The following CAPN1 variants were observed in gnomAD, a reference collection of about 807,000 sequenced individuals.
CAPN1 encodes calpain 1.
A neutral mutation model predicts 105.2 loss-of-function variants in CAPN1; 77 were observed. The observed-to-expected ratio is 0.73, with a 90% CI of 0.61 to 0.88. CAPN1 has a LOEUF of 0.88. CAPN1 is among the 40% of genes least tolerant of loss of function. CAPN1 has a pLI of 0.00. For missense variants in CAPN1, 833 were observed against 976.6 expected (o/e 0.85, Z 1.96); for synonymous variants, 355 against 388.8 (o/e 0.91, Z 1.02).
At chr11:65,211,204 G>A (rs1590869153) in intron 21 of CAPN1, 56 bp from the exon 22 acceptor site, 1 of 1,601,760 alleles carries the variant, frequency 6.2e-7, no homozygotes, top group Non-Finnish European at 8.5e-7. Context: ...TTTGGGTGGG[G>A]AAGAAGCCAG....
chr11:65,186,173 A>G lies in CAPN1; in HGVS notation c.594A>G (p.Val198=), dbSNP rs1385151071. 1 of 1,612,930 alleles carries G rather than the reference A, an allele frequency of 6.2e-7. No homozygotes were observed. The highest frequency in any genetic ancestry group is 1.1e-5 in the South Asian group (1 of 90,972). Residue 198 remains valine, a synonymous_variant, in exon 6 of 22, where the codon GTA becomes GTG. Transcript: ENST00000279247. The part of the protein sequence containing the change: ...SALLEKAYAK[V]NGSYEALSGG... ...GCTGACCTGGAGCTGCCCACAGGGTAAATGGCAGCTACGAGGCCCTGTCAG... is the reference window on the plus strand; with the variant it reads ...GCTGACCTGGAGCTGCCCACAGGGTGAATGGCAGCTACGAGGCCCTGTCAG...
intron 10 of CAPN1, among the ~76,000 whole-genome samples, chr11:65,196,017 A>G (rs1948788563): frequency 1.3e-5 from 2 of 151,802 alleles, no homozygotes; most frequent in African/African-American, 4.8e-5. Context: ...TTATCATATA[A>G]TTGTCTATAG....
In CAPN1 at chr11:65,188,164, C is replaced by T. The variant is rs1202316949; in HGVS notation, c.929+124C>T. 2.7e-5 allele frequency: 20 copies of T among 754,588 alleles called. No individual in the cohort carries two copies. The highest frequency in any genetic ancestry group is 4.1e-5 in the Non-Finnish European group (19 of 463,086). 46.7% of individuals were successfully genotyped at this position (754,588 alleles called of 1,614,324 possible). On this transcript the variant is annotated intron_variant, in intron 8 of 21. Coordinates refer to ENST00000279247, the MANE Select transcript of CAPN1 (RefSeq NM_005186.4). This position sits in a 1 kb window ranked among gnomAD's most constrained non-coding sequence, Gnocchi z 5.5. ...TTGAGCAGAGGGGCCCATCTTCGCG[C>T]GACTGGGTCTGGGGGACTGCTCTGA...
At chr11:65,182,478 G>C in intron 1 of CAPN1, 2 of 536,694 alleles carry the variant, frequency 3.7e-6, no homozygotes, top group Non-Finnish European at 6.5e-6. Flanking sequence ...CGGGAAAGGA[G>C]AGGTGGCCGG....
intron 4 of CAPN1, among the ~76,000 whole-genome samples, chr11:65,184,445 C>G (rs887578880): frequency 6.6e-6 from 1 of 152,130 alleles, no homozygotes; most frequent in African/African-American, 2.4e-5. Context: ...CCACACTCTC[C>G]GCAACCTGGG....
chr11:65,209,316 C>T lies in CAPN1; in HGVS notation c.1730-7C>T. ...GGTGGAGATGTTGGAATTGGTTTTT[C>T]TTGCAGACAAAGACCTGCGGACCAA... On this transcript the variant is annotated splice_polypyrimidine_tract_variant and splice_region_variant and intron_variant, in intron 16 of 21. Transcript: ENST00000279247. The surrounding 1 kb of genome is among the most constrained non-coding windows in gnomAD (Gnocchi z 4.1). 6.2e-7 allele frequency: 1 copy of T among 1,612,932 alleles called. No individual in the cohort carries two copies. The highest frequency in any genetic ancestry group is 1.7e-5 in the Admixed American group (1 of 59,844).
At chr11:65,190,723 TG>T (rs373325532) in intron 10 of CAPN1, among the ~76,000 whole-genome samples, 5,721 of 73,546 alleles carry the variant, frequency 0.078, 192 homozygotes, top group Non-Finnish European at 0.15. Context: ...TTTTTGTTTT[TG>T]TTTTTTGAGA....
chr11:65,211,516 C>A lies in CAPN1; in HGVS notation c.*230C>A. 2 of 587,504 alleles carry A rather than the reference C, an allele frequency of 3.4e-6. No individual in the cohort carries two copies. The allele number at this position is 587,504 out of a possible 1,614,324, so 36.4% of individuals were successfully genotyped here. ...ATGGGCTCGGGATGGACTCCCTGGG[C>A]CCCACCCATTGCCAAGCCAGGAAGG... is the stretch of plus-strand genomic sequence containing the variant. On this transcript the variant is annotated 3_prime_UTR_variant, in exon 22 of 22. Transcript: ENST00000279247.
At position 65,201,458 on chromosome 11, in the gene CAPN1, T is replaced by C. The variant is rs534772572; in HGVS notation, c.1166-3225T>C. The stretch of plus-strand genomic sequence containing the variant: ...AGTGTGAATTAAAACTGAAAGGTCA[T>C]GTGAAGCCTGGCTTGAGGTTATTTT... On this transcript the variant is annotated intron_variant, in intron 10 of 21. Transcript: ENST00000279247. Among the ~76,000 whole-genome samples, 10 of 152,324 alleles carry C rather than the reference T, an allele frequency of 6.6e-5. No homozygotes were observed. In the East Asian group the frequency reaches 1.9e-3, roughly 29 times the overall value.
chr11:65,205,670 C>T (rs1390956382), intron 11 of CAPN1, 40 bp from the exon 12 acceptor site: 1 of 1,611,550 alleles, frequency 6.2e-7, no homozygotes. Context: ...CGCCCTGGGA[C>T]AAACACACAT....
At chr11:65,189,518 T>C (rs1321151010) in intron 10 of CAPN1, among the ~76,000 whole-genome samples, 3 of 152,192 alleles carry the variant, frequency 2.0e-5, no homozygotes, top group Non-Finnish European at 4.4e-5. Flanking sequence ...CCTTCGACTC[T>C]TTCCACTCCC....
Position 65,185,978 on chromosome 11 carries a change from G to C in CAPN1, c.518G>C (p.Gly173Ala). The change falls in exon 5 of 22, where the codon GGG becomes GCG. Residue 173 changes from glycine (G) to alanine (A), a missense_variant. Gly to Ala is a moderately conservative substitution (Grantham distance 60, BLOSUM62 0). Coordinates refer to ENST00000279247, the MANE Select transcript of CAPN1 (RefSeq NM_005186.4). ...GATGACCTGCTGCCCATCAAGGACG[G>C]GAAGCTAGTGTTCGTGCACTCTGCC... ...VVDDLLPIKD[G>A]KLVFVHSAEG... is the part of the protein sequence containing the mutation. 6.2e-7 allele frequency: 1 copy of C among 1,603,562 alleles called. No homozygotes were observed. The highest frequency in any genetic ancestry group is 8.5e-7 in the Non-Finnish European group (1 of 1,174,994).
intron 10 of CAPN1, among the ~76,000 whole-genome samples, chr11:65,195,109 T>G (rs7101999): frequency 0.055 from 3,214 of 58,246 alleles, 77 homozygotes; most frequent in South Asian, 0.073. Context: ...GGTTTTTTTT[T>G]TTTTTTTTTT....
rs989508389 is a variant in CAPN1, at chr11:65,210,748, G to A, written c.2060-66G>A. 3 of 1,320,522 alleles carry A rather than the reference G, an allele frequency of 2.3e-6. No homozygotes were observed. In the African/African-American group the frequency reaches 4.3e-5, roughly 19 times the overall value. The allele number at this position is 1,320,522 out of a possible 1,614,324, so 81.8% of individuals were successfully genotyped here. On this transcript the variant is annotated intron_variant, in intron 20 of 21. Coordinates refer to ENST00000279247, the MANE Select transcript of CAPN1 (RefSeq NM_005186.4). This position sits in a 1 kb window ranked among gnomAD's most constrained non-coding sequence, Gnocchi z 4.3. ...GAGGGACCAGGCAGGAAGGGGGCCA[G>A]GCCTGGCCCTGCGTGAATATCCCAC...
chr11:65,184,080 C>A (rs578105879), intron 4 of CAPN1, among the ~76,000 whole-genome samples: 1 of 152,252 alleles, frequency 6.6e-6, no homozygotes, highest in South Asian at 2.1e-4. Flanking sequence ...TGCCCAGGGC[C>A]CATTTTTCAA....
Position 65,188,798 on chromosome 11 carries a change from G to T in CAPN1, c.1165+52G>T. On this transcript the variant is annotated intron_variant, in intron 10 of 21. Coordinates refer to ENST00000279247, the MANE Select transcript of CAPN1 (RefSeq NM_005186.4). This position sits in a 1 kb window ranked among gnomAD's most constrained non-coding sequence, Gnocchi z 5.5. ...GCTGCTTCCTGGCTTAGGGGCTCCA[G>T]AAGGCACGTCATCTTACTGAGCCTC... 2 of 1,466,276 alleles carry T rather than the reference G, an allele frequency of 1.4e-6. No homozygotes were observed. Among genetic ancestry groups the T allele is most frequent in the Non-Finnish European group, 1.9e-6 (2 of 1,077,312 alleles). The allele number at this position is 1,466,276 out of a possible 1,614,324, so 90.8% of individuals were successfully genotyped here.
intron 11 of CAPN1, 88 bp from the exon 12 acceptor site, chr11:65,205,622 A>G (rs1256896661): frequency 2.3e-6 from 3 of 1,331,508 alleles, no homozygotes; most frequent in South Asian, 1.2e-5. Context: ...AGTCCCGTCT[A>G]AGAACTCAAG....
intron 14 of CAPN1, 69 bp from the exon 15 acceptor site, chr11:65,207,986 C>T (rs1948986874): frequency 4.2e-6 from 5 of 1,191,792 alleles, no homozygotes; most frequent in Admixed American, 4.4e-5. Context: ...CCTCAGCCCT[C>T]CCTCCAGCTG....
rs1057285506 is a variant in CAPN1, at chr11:65,211,605, T to C, written c.*319T>C. 4.1e-6 allele frequency: 2 copies of C among 489,826 alleles called. No homozygotes were observed. Among genetic ancestry groups the C allele is most frequent in the Non-Finnish European group, 7.5e-6 (2 of 267,576 alleles). 30.3% of individuals were successfully genotyped at this position (489,826 alleles called of 1,614,324 possible). ...TTCCCCAGCATCCTGATGTGTCCCC[T>C]CTCCCCACTTCAGAGGCCACCCACT... is the stretch of plus-strand genomic sequence containing the variant. On this transcript the variant is annotated 3_prime_UTR_variant, in exon 22 of 22. Transcript: ENST00000279247.
Sources: gnomAD v4.1 joint callset for allele counts (sites outside exome capture counted in the v4.1 genomes callset) on GRCh38, gnomAD v4.1.1 for gene constraint, Gnocchi (gnomAD v3.1) non-coding constraint, MANE v1.5 for transcripts, NCBI Gene and HGNC (gene_info 2026-07-23, HGNC 2026-07-21) for gene names.